Variants in HPS3 observed in about 807,000 individuals in gnomAD.
HPS3 encodes HPS3 biogenesis of lysosomal organelles complex 2 subunit 1.
In HPS3, 79 loss-of-function variants were observed where a neutral mutation model predicts 110.9. The observed-to-expected ratio is 0.71, with a 90% confidence interval of 0.59 to 0.86. The LOEUF is 0.86. Ranked by LOEUF, HPS3 falls within the 40% of genes least tolerant of loss-of-function variation. The pLI is 0.00. For missense variants in HPS3, 1,197 were observed against 1,206.2 expected, an observed-to-expected ratio of 0.99 and a Z score of 0.11; for synonymous variants, 428 against 451.0, an observed-to-expected ratio of 0.95 and a Z score of 0.65.
intron 5 of HPS3, among the ~76,000 whole-genome samples, chr3:149,149,571 C>G (rs1269144255): frequency 6.6e-6 from 1 of 152,160 alleles, no homozygotes; most frequent in South Asian, 2.1e-4. Context: ...AGCCTCCTAA[C>G]TGAAAATATC....
intron 14 of HPS3, among the ~76,000 whole-genome samples, chr3:149,165,484 A>AT (rs34255649): frequency 0.45 from 66,746 of 149,306 alleles, 14,812 homozygotes; most frequent in South Asian, 0.51. Context: ...AACTTTTATA[A>AT]TTTTTTTTTT....
At chr3:149,154,960 CATAGAA>C in intron 7 of HPS3, 141 bp from the exon 8 acceptor site, 1 of 624,000 alleles carries the variant, frequency 1.6e-6, no homozygotes. Flanking sequence ...ACTAATATTC[CATAGAA>C]ATAGAGTGTA....
chr3:149,135,170 A>G (rs904330250), intron 1 of HPS3, among the ~76,000 whole-genome samples: 1 of 152,202 alleles, frequency 6.6e-6, no homozygotes, highest in African/African-American at 2.4e-5. Context: ...AAAAATCTCA[A>G]ATTAGCTGAA....
intron 1 of HPS3, among the ~76,000 whole-genome samples, chr3:149,131,291 T>C (rs1395548159): frequency 1.3e-5 from 2 of 152,200 alleles, no homozygotes; most frequent in African/African-American, 2.4e-5. Context: ...TGCATTTCAC[T>C]TTGTTGTACT....
Position 149,140,586 on chromosome 3 carries a change from T to C in HPS3, c.712+88T>C, listed in dbSNP as rs1722382657. 7.4e-6 allele frequency: 10 copies of C among 1,357,348 alleles called. No individual in the cohort carries two copies. In the Admixed American group the frequency reaches 8.0e-5, roughly 11 times the overall value. The allele number at this position is 1,357,348 out of a possible 1,614,324, so 84.1% of individuals were successfully genotyped here. A position where few individuals can be genotyped will look rare whatever the true frequency, so the allele number is the denominator to read the frequency against. On this transcript the variant is annotated intron_variant, in intron 2 of 16. Transcript: ENST00000296051. ...GTCTGAAGGTCTGTGGTATATATGG[T>C]GCCCGGCCATGTTATTTATAGATTT...
At chr3:149,132,201 A>AT (rs532563085) in intron 1 of HPS3, among the ~76,000 whole-genome samples, 39 of 152,312 alleles carry the variant, frequency 2.6e-4, no homozygotes, top group Middle Eastern at 3.4e-3. Flanking sequence ...TAAACAACAG[A>AT]TTTTTTCAGT....
intron 14 of HPS3, chr3:149,166,133 A>T (rs780983786): frequency 2.5e-6 from 1 of 401,426 alleles, no homozygotes; most frequent in Non-Finnish European, 4.9e-6. Flanking sequence ...AGTGGAGATT[A>T]TTTTGGTGGT....
intron 7 of HPS3, 24 bp downstream of exon 7, chr3:149,153,672 A>C (rs766731809): frequency 8.1e-6 from 13 of 1,612,682 alleles, no homozygotes; most frequent in Non-Finnish European, 1.1e-5. Flanking sequence ...TGCCCCAGGC[A>C]TTCCTGCCAG....
At chr3:149,151,207 T>TA (rs34724942) in intron 6 of HPS3, among the ~76,000 whole-genome samples, 1 of 143,032 alleles carries the variant, frequency 7.0e-6, no homozygotes, top group East Asian at 1.9e-4. Context: ...ATTATTATTT[T>TA]TTTTTCTGCA....
chr3:149,167,802 C>A, intron 15 of HPS3, 91 bp from the exon 16 acceptor site: 1 of 815,242 alleles, frequency 1.2e-6, no homozygotes. Flanking sequence ...TATTTTTGCT[C>A]TGTGCTTTCC....
At chr3:149,167,329 T>G in intron 15 of HPS3, 89 bp downstream of exon 15, 2 of 1,012,678 alleles carry the variant, frequency 2.0e-6, no homozygotes, top group Middle Eastern at 3.0e-4. Context: ...TGGGGACAAT[T>G]TATGCTAATC....
Position 149,153,628 on chromosome 3 carries a change from A to G in HPS3, c.1380A>G (p.Arg460=). 6.2e-7 allele frequency: 1 copy of G among 1,614,032 alleles called. No individual in the cohort carries two copies. The highest frequency in any genetic ancestry group is 8.5e-7 in the Non-Finnish European group (1 of 1,179,836). Residue 460 remains arginine, a synonymous_variant, in exon 7 of 17, where the codon AGA becomes AGG. Transcript: ENST00000296051. ...AACCTGAAGCCATTCCAGAGAGAAGACAGTCACCCAAGAGGCTTCTGTAAG... is the reference window on the plus strand; with the variant it reads ...AACCTGAAGCCATTCCAGAGAGAAGGCAGTCACCCAAGAGGCTTCTGTAAG... ...KAEPEAIPER[R]QSPKRLLSRK...
rs760494206 is a variant in HPS3, at chr3:149,162,913, A to G, written c.2481+35A>G. 8 of 1,509,428 alleles carry G rather than the reference A, an allele frequency of 5.3e-6. No homozygotes were observed. The African/African-American group carries it at 9.6e-5, about 18-fold the overall frequency. The allele number at this position is 1,509,428 out of a possible 1,614,324, so 93.5% of individuals were successfully genotyped here. ...TGGAATAATACCTTAAATTTAACTC[A>G]TGCATTGCCCATTACAAAAACATAC... On this transcript the variant is annotated intron_variant, in intron 13 of 16. Transcript: ENST00000296051.
chr3:149,139,895 CT>C, intron 1 of HPS3, 108 bp from the exon 2 acceptor site: 1 of 1,052,230 alleles, frequency 9.5e-7, no homozygotes, highest in Non-Finnish European at 1.4e-6. Flanking sequence ...TCTATTCAGT[CT>C]TTAATTCGAC....
chr3:149,144,850 TATTA>T (rs1389339275), intron 4 of HPS3, among the ~76,000 whole-genome samples: 1 of 152,210 alleles, frequency 6.6e-6, no homozygotes, highest in Non-Finnish European at 1.5e-5. Flanking sequence ...ATGTATATAA[TATTA>T]ATTTTTGTGT....
chr3:149,134,058 T>G (rs1026320730), intron 1 of HPS3, among the ~76,000 whole-genome samples: 3 of 152,180 alleles, frequency 2.0e-5, no homozygotes, highest in African/African-American at 7.2e-5. Flanking sequence ...CATCAAACAT[T>G]GGATATCTTT....
chr3:149,149,044 C>G (rs2108144373), intron 5 of HPS3, among the ~76,000 whole-genome samples: 1 of 149,840 alleles, frequency 6.7e-6, no homozygotes, highest in African/African-American at 2.5e-5. Flanking sequence ...AGCTCCGCCT[C>G]CCGGGTTCAT....
intron 10 of HPS3, 137 bp from the exon 11 acceptor site, chr3:149,159,909 T>C (rs551301962): frequency 2.9e-6 from 2 of 685,610 alleles, no homozygotes; most frequent in East Asian, 5.4e-5. Flanking sequence ...CTTTTTAAAA[T>C]TAAAACATAA....
At chr3:149,152,919 C>T (rs745372286) in intron 6 of HPS3, among the ~76,000 whole-genome samples, 1 of 152,210 alleles carries the variant, frequency 6.6e-6, no homozygotes, top group African/African-American at 2.4e-5. Context: ...CTGACATGTC[C>T]CAGCCTGTCC....
Sources: allele counts gnomAD v4.1 joint callset (sites outside exome capture counted in the v4.1 genomes callset), GRCh38; gene constraint gnomAD v4.1.1; transcripts MANE v1.5; gene names NCBI Gene and HGNC (gene_info 2026-07-23, HGNC 2026-07-21).